Variants in SH3BP1 observed in about 807,000 individuals in gnomAD.
SH3BP1 encodes the protein SH3 domain-binding protein 1.
Under a neutral mutation model 69.8 loss-of-function variants are expected in SH3BP1, and 46 were observed. That is an observed-to-expected ratio of 0.66 (90% CI 0.52 to 0.84). The LOEUF is 0.84. Ranked by LOEUF, SH3BP1 falls within the 40% of genes least tolerant of loss-of-function variation. SH3BP1 has a pLI of 0.00. For missense variants in SH3BP1, 868 were observed against 930.9 expected (o/e 0.93, Z 0.88); for synonymous variants, 403 against 378.0 (o/e 1.07, Z -0.77).
chr22:37,643,819 AGG>A lies in SH3BP1; in HGVS notation c.618+34_618+35del, dbSNP rs1173821928. 3.1e-6 allele frequency: 5 copies of A among 1,607,988 alleles called. No homozygotes were observed. The East Asian group carries it at 6.7e-5, about 21-fold the overall frequency. On this transcript the variant is annotated intron_variant, in intron 7 of 17. Transcript: ENST00000649765. Reference sequence around the variant, plus strand: ...GGCCATGGGGGTCCCCTGGATATGTAGGGGTGGCAGGGGTGGGTCCTGGCCCA... The same window carrying A: ...GGCCATGGGGGTCCCCTGGATATGTAGGTGGCAGGGGTGGGTCCTGGCCCA...
intron 8 of SH3BP1, 40 bp downstream of exon 8, chr22:37,644,745 G>A: frequency 1.9e-6 from 3 of 1,612,228 alleles, no homozygotes; most frequent in Non-Finnish European, 2.5e-6. Flanking sequence ...AGAGTTCAGG[G>A]GCTGAATGCC....
intron 3 of SH3BP1, chr22:37,641,824 C>T (rs2146044245): frequency 3.8e-6 from 1 of 266,654 alleles, no homozygotes; most frequent in South Asian, 5.6e-5. Flanking sequence ...GAGGGATACA[C>T]GTTTATTAAT....
intron 14 of SH3BP1, among the ~76,000 whole-genome samples, chr22:37,649,270 T>C (rs971307132): frequency 2.0e-5 from 3 of 151,270 alleles, no homozygotes; most frequent in African/African-American, 7.3e-5. Context: ...GGAAGATCAC[T>C]TGAACTCAGG....
chr22:37,648,434 G>T lies in SH3BP1; in HGVS notation c.1315G>T (p.Gly439Trp). The stretch of plus-strand genomic sequence containing the variant: ...CTTGCTGTGGCCACCTGAGAAAGAA[G>T]GGTGAGGGGCCGCGGGCTGGGGGAG... ...PNLLWPPEKE[G>W]DQAQLDAASV... Residue 439 changes from glycine to tryptophan, a missense_variant and splice_region_variant, in exon 14 of 18, where the codon GGG becomes TGG. Coordinates refer to ENST00000649765, the MANE Select transcript of SH3BP1 (RefSeq NM_018957.6). 1 of 1,559,730 alleles carries T rather than the reference G, an allele frequency of 6.4e-7. No homozygotes were observed. Among genetic ancestry groups the T allele is most frequent in the East Asian group, 2.3e-5 (1 of 43,104 alleles).
In SH3BP1 at chr22:37,650,225, A is replaced by T; in HGVS notation, c.1390A>T (p.Ser464Cys). Residue 464 changes from serine (S) to cysteine (C), a missense_variant, in exon 15 of 18, where the codon AGC becomes TGC. Coordinates refer to ENST00000649765, the MANE Select transcript of SH3BP1 (RefSeq NM_018957.6). ...VVGVVEALIQ[S>C]ADTLFPGDIN... ...GGGCGTCGTCGAGGCGCTGATCCAG[A>T]GCGCAGACACCCTCTTCCCTGGAGG... 2 of 1,612,410 alleles carry T rather than the reference A, an allele frequency of 1.2e-6. No individual in the cohort carries two copies. Among genetic ancestry groups the T allele is most frequent in the African/African-American group, 2.7e-5 (2 of 74,992 alleles).
intron 3 of SH3BP1, 80 bp from the exon 4 acceptor site, chr22:37,642,459 T>G (rs1269192494): frequency 6.8e-7 from 1 of 1,465,590 alleles, no homozygotes; most frequent in African/African-American, 1.4e-5. Context: ...CCTCCTCCCC[T>G]GCCCCAAGGG....
Position 37,655,937 on chromosome 22 carries a change from G to A in SH3BP1, c.*253G>A. On this transcript the variant is annotated 3_prime_UTR_variant, in exon 18 of 18. Coordinates refer to ENST00000649765, the MANE Select transcript of SH3BP1 (RefSeq NM_018957.6). ...CCACTCTCCGGCAGGTCCTAGGGGAGCCACCGGAAGGAAGGAGAGGTTTGC... is the reference window on the plus strand; with the variant it reads ...CCACTCTCCGGCAGGTCCTAGGGGAACCACCGGAAGGAAGGAGAGGTTTGC... 1 of 1,565,630 alleles carries A rather than the reference G, an allele frequency of 6.4e-7. No individual in the cohort carries two copies. Among genetic ancestry groups the A allele is most frequent in the Non-Finnish European group, 8.6e-7 (1 of 1,160,184 alleles).
At chr22:37,641,591 A>G (rs1450177591) in intron 3 of SH3BP1, 113 bp downstream of exon 3, 2 of 865,012 alleles carry the variant, frequency 2.3e-6, no homozygotes, top group Non-Finnish European at 3.6e-6. Flanking sequence ...CACCAAGGGC[A>G]TGGAGACTGC....
Position 37,656,107 on chromosome 22 carries a change from G to A in SH3BP1, c.*423G>A, listed in dbSNP as rs1933041669. 8.4e-7 allele frequency: 1 copy of A among 1,189,544 alleles called. No homozygotes were observed. Among genetic ancestry groups the A allele is most frequent in the Non-Finnish European group, 1.1e-6 (1 of 899,056 alleles). 73.7% of individuals were successfully genotyped at this position (1,189,544 alleles called of 1,614,324 possible). A position where few individuals can be genotyped will look rare whatever the true frequency, so the allele number is the denominator to read the frequency against. On this transcript the variant is annotated 3_prime_UTR_variant, in exon 18 of 18. Coordinates refer to ENST00000649765, the MANE Select transcript of SH3BP1 (RefSeq NM_018957.6). Reference sequence around the variant, plus strand: ...AATAAAGAAGCCAATTTTATAAAGGGGAAAACAATACATATTCTTTGCCTC... The same window carrying A: ...AATAAAGAAGCCAATTTTATAAAGGAGAAAACAATACATATTCTTTGCCTC...
At chr22:37,649,926 C>G (rs1239457506) in intron 14 of SH3BP1, 8 of 646,558 alleles carry the variant, frequency 1.2e-5, no homozygotes, top group Admixed American at 2.1e-5. Context: ...CAGATCACAA[C>G]TATGAGGAAA....
In SH3BP1 at chr22:37,644,913, C is replaced by T. The variant is rs1219709974; in HGVS notation, c.731C>T (p.Ser244Leu). ...QADYHRRSLS[S>L]LDTALAELRE... is the part of the protein sequence containing the mutation. ...GATTACCATCGCAGGTCACTGAGCT[C>T]GCTGGACACAGCCCTGGCTGAGCTG... is the stretch of plus-strand genomic sequence containing the variant. Residue 244 changes from serine to leucine, a missense_variant, in exon 9 of 18, where the codon TCG (serine) becomes TTG (leucine). Ser to Leu is a moderately radical substitution (Grantham distance 145). Coordinates refer to ENST00000649765, the MANE Select transcript of SH3BP1 (RefSeq NM_018957.6). 14 of 1,613,884 alleles carry T rather than the reference C, an allele frequency of 8.7e-6. No homozygotes were observed. The South Asian group carries it at 1.1e-4, about 13-fold the overall frequency.
In SH3BP1 at chr22:37,655,980, A is replaced by AT. The variant is rs780107408; in HGVS notation, c.*298dup. The AT allele has an allele frequency of 2.0e-6, 3 of 1,527,810 alleles. No individual in the cohort carries two copies. In the African/African-American group the frequency reaches 4.1e-5, roughly 21 times the overall value. 94.6% of individuals were successfully genotyped at this position (1,527,810 alleles called of 1,614,324 possible). A position where few individuals can be genotyped will look rare whatever the true frequency, so the allele number is the denominator to read the frequency against. On this transcript the variant is annotated 3_prime_UTR_variant, in exon 18 of 18. Transcript: ENST00000649765. ...AGGTTTGCCTGCTCCTACGGGACTGATTCTTCTCTTGCCGACATGTTTTTT... is the reference window on the plus strand; with the variant it reads ...AGGTTTGCCTGCTCCTACGGGACTGATTTCTTCTCTTGCCGACATGTTTTTT...
At position 37,655,293 on chromosome 22, in the gene SH3BP1, G is replaced by A. The variant is rs765912609; in HGVS notation, c.1715G>A (p.Arg572Gln). Reference protein sequence around the residue: ...ARRTKRPAPARPTMPPPQVSG... With the variant: ...ARRTKRPAPAQPTMPPPQVSG... ...ACAGCCAAGCGCCCGGCGCCAGCCC[G>A]GCCCACCATGCCGCCCCCCCAGGTC... Residue 572 changes from arginine to glutamine, a missense_variant, in exon 18 of 18, where the codon CGG (arginine) becomes CAG (glutamine). Arg to Gln is a conservative substitution (Grantham distance 43, BLOSUM62 1). Coordinates refer to ENST00000649765, the MANE Select transcript of SH3BP1 (RefSeq NM_018957.6). The A allele has an allele frequency of 1.5e-5, 23 of 1,573,562 alleles. No homozygotes were observed. Among genetic ancestry groups the A allele is most frequent in the Middle Eastern group, 4.6e-4 (2 of 4,312 alleles).
At chr22:37,644,408 G>A (rs1263100529) in intron 7 of SH3BP1, among the ~76,000 whole-genome samples, 1 of 152,226 alleles carries the variant, frequency 6.6e-6, no homozygotes, top group Non-Finnish European at 1.5e-5. Context: ...ACAAGGCACT[G>A]TGCTAAGTCT....
Position 37,643,177 on chromosome 22 carries a change from G to T in SH3BP1, c.473+3G>T, listed in dbSNP as rs1932671901. The stretch of plus-strand genomic sequence containing the variant: ...GACTGGAACACACTCAAGAGCAGGT[G>T]GGAGCCCCAGCCGCTCAGGGGGCTC... On this transcript the variant is annotated splice_donor_region_variant and intron_variant, in intron 6 of 17. Transcript: ENST00000649765. The T allele has an allele frequency of 6.3e-7, 1 of 1,593,494 alleles. No homozygotes were observed. The highest frequency in any genetic ancestry group is 1.3e-5 in the African/African-American group (1 of 74,364).
In SH3BP1 at chr22:37,644,597, A is replaced by G. The variant is rs142332032; in HGVS notation, c.619-40A>G. 752 of 1,601,788 alleles carry G rather than the reference A, an allele frequency of 4.7e-4. 2 individuals are homozygous for G. The highest frequency in any genetic ancestry group is 1.0e-3 in the Middle Eastern group (6 of 6,028). On this transcript the variant is annotated intron_variant, in intron 7 of 17. Coordinates refer to ENST00000649765, the MANE Select transcript of SH3BP1 (RefSeq NM_018957.6). ...CCTCCTCTTCCCCTCTAGACCCCACAGCCTCACCCAACGTAAGCTCTCCCC... is the reference window on the plus strand; with the variant it reads ...CCTCCTCTTCCCCTCTAGACCCCACGGCCTCACCCAACGTAAGCTCTCCCC...
chr22:37,640,948 G>T, intron 1 of SH3BP1, 178 bp from the exon 2 acceptor site: 2 of 618,522 alleles, frequency 3.2e-6, no homozygotes, highest in East Asian at 2.7e-5. Context: ...CCACCCCCAT[G>T]GAATGTGCTC....
rs1228597309 is a variant in SH3BP1 at position 37,643,693 on chromosome 22, A to G, written c.523A>G (p.Ser175Gly). ...AGGCAGCAGTCAAGGCCTAGGAGGCAGCCCGGGTAGTCACAGCCATACGAC... is the reference window on the plus strand; with the variant it reads ...AGGCAGCAGTCAAGGCCTAGGAGGCGGCCCGGGTAGTCACAGCCATACGAC... ...NSGSSQGLGG[S>G]PGSHSHTTMA... Residue 175 changes from serine (S) to glycine (G), a missense_variant, in exon 7 of 18, where the codon AGC becomes GGC. This residue lies in a region of SH3BP1 where 387 missense variants were observed against 447.9 expected (regional missense o/e 0.86). Coordinates refer to ENST00000649765, the MANE Select transcript of SH3BP1 (RefSeq NM_018957.6). The G allele has an allele frequency of 1.9e-6, 3 of 1,614,160 alleles. No individual in the cohort carries two copies. The highest frequency in any genetic ancestry group is 2.5e-6 in the Non-Finnish European group (3 of 1,180,030).
At chr22:37,649,783 CA>C (rs974546284) in intron 14 of SH3BP1, 262 of 304,350 alleles carry the variant, frequency 8.6e-4, no homozygotes, top group East Asian at 1.4e-3. Context: ...GACTCTGTCT[CA>C]AAAAAAAAGA....
Sources: gnomAD v4.1 joint callset for allele counts (sites outside exome capture counted in the v4.1 genomes callset) on GRCh38, gnomAD v4.1.1 for gene constraint, gnomAD v4.1.1 regional missense constraint, MANE v1.5 for transcripts, NCBI Gene and HGNC (gene_info 2026-07-23, HGNC 2026-07-21) for gene names.